Variants in N4BP2 observed in about 807,000 individuals in gnomAD.
N4BP2 encodes the protein NEDD4-binding protein 2.
Under a neutral mutation model 152.8 loss-of-function variants are expected in N4BP2, and 91 were observed. The ratio of observed to expected loss-of-function variants is 0.60; its 90% CI spans 0.50 to 0.71. The LOEUF (loss-of-function observed/expected upper bound fraction) is 0.71, where lower values mean the gene tolerates loss of function less well. N4BP2 is among the 30% of genes least tolerant of loss of function. The pLI is 0.00. For missense variants in N4BP2, 1,923 were observed against 2,059.1 expected, an observed-to-expected ratio of 0.93 and a Z score of 1.28; for synonymous variants, 646 against 705.3, an observed-to-expected ratio of 0.92 and a Z score of 1.33.
At chr4:40,127,747 G>A (rs528148047) in intron 12 of N4BP2, among the ~76,000 whole-genome samples, 3 of 152,080 alleles carry the variant, frequency 2.0e-5, no homozygotes, top group East Asian at 1.9e-4. Context: ...TGCATGCTCC[G>A]TCTCCCGGGT....
At chr4:40,125,308 A>G (rs1315749300) in intron 11 of N4BP2, among the ~76,000 whole-genome samples, 1 of 152,202 alleles carries the variant, frequency 6.6e-6, no homozygotes, top group Non-Finnish European at 1.5e-5. Flanking sequence ...GAAATGTTAC[A>G]CATTAAATTC....
chr4:40,120,825 T>C lies in N4BP2; in HGVS notation c.2714T>C (p.Leu905Ser), dbSNP rs759232628. Residue 905 changes from leucine (L) to serine (S), a missense_variant, in exon 9 of 18, where the codon TTA becomes TCA. Leu to Ser is a moderately radical substitution (Grantham distance 145). Transcript: ENST00000261435. ...AGATCAAGAATGCCAAAGACTGGTTTAAGTGAGCCCAACCTAGAAATTGGA... is the reference window on the plus strand; with the variant it reads ...AGATCAAGAATGCCAAAGACTGGTTCAAGTGAGCCCAACCTAGAAATTGGA... The part of the protein sequence containing the change: ...EHRSRMPKTG[L>S]SEPNLEIGTN... 6.2e-7 allele frequency: 1 copy of C among 1,613,986 alleles called. No homozygotes were observed. Among genetic ancestry groups the C allele is most frequent in the Non-Finnish European group, 8.5e-7 (1 of 1,180,010 alleles).
Position 40,120,771 on chromosome 4 carries a change from C to T in N4BP2, c.2660C>T (p.Ser887Leu), listed in dbSNP as rs756692751. The part of the protein sequence containing the change: ...NSFNIMGDWP[S>L]SDSLAQREHR... ...TTCAACATTATGGGTGACTGGCCTT[C>T]ATCTGATTCTTTAGCTCAGAGGGAA... is the stretch of plus-strand genomic sequence containing the variant. The change falls in exon 9 of 18, where the codon TCA becomes TTA. Residue 887 changes from serine (S) to leucine (L), a missense_variant. Ser to Leu is a moderately radical substitution (Grantham distance 145, BLOSUM62 -2). Transcript: ENST00000261435. 1 of 1,614,114 alleles carries T rather than the reference C, an allele frequency of 6.2e-7. No individual in the cohort carries two copies. The highest frequency in any genetic ancestry group is 1.1e-5 in the South Asian group (1 of 91,064).
intron 15 of N4BP2, 123 bp from the exon 16 acceptor site, chr4:40,144,509 T>C: frequency 1.3e-6 from 1 of 744,698 alleles, no homozygotes; most frequent in Non-Finnish European, 2.1e-6. Flanking sequence ...CATTGCATTA[T>C]TTAAGATTTT....
intron 7 of N4BP2, among the ~76,000 whole-genome samples, chr4:40,116,917 G>A (rs1175851676): frequency 6.6e-6 from 1 of 150,418 alleles, no homozygotes; most frequent in African/African-American, 2.4e-5. Context: ...CATTATTATT[G>A]TTGTTAAGTC....
the N4BP2 span, among the ~76,000 whole-genome samples, chr4:40,169,963 CAAAA>C: frequency 2.8e-4 from 13 of 45,858 alleles, no homozygotes; most frequent in African/African-American, 8.4e-4. Flanking sequence ...GACTCAATCT[CAAAA>C]AAAAAAAAAA....
At position 40,102,060 on chromosome 4, in the gene N4BP2, C is replaced by A. The variant is rs1444733668; in HGVS notation, c.230-15C>A. ...CTATATTTTTGTTGTTGTTATTATTCTTGTTGTTGTACAGTTGAAAATGCT... is the reference window on the plus strand; with the variant it reads ...CTATATTTTTGTTGTTGTTATTATTATTGTTGTTGTACAGTTGAAAATGCT... On this transcript the variant is annotated splice_polypyrimidine_tract_variant and intron_variant, in intron 3 of 17. Coordinates refer to ENST00000261435, the MANE Select transcript of N4BP2 (RefSeq NM_018177.6). 9.6e-6 allele frequency: 14 copies of A among 1,458,566 alleles called. No individual in the cohort carries two copies. Among genetic ancestry groups the A allele is most frequent in the Non-Finnish European group, 1.2e-5 (13 of 1,085,434 alleles). 90.4% of individuals were successfully genotyped at this position (1,458,566 alleles called of 1,614,324 possible).
chr4:40,100,301 C>A (rs1386330872), intron 3 of N4BP2, among the ~76,000 whole-genome samples: 1 of 151,706 alleles, frequency 6.6e-6, no homozygotes, highest in Admixed American at 6.6e-5. Context: ...CTTAAAACAG[C>A]AAGACAAAAC....
Position 40,112,188 on chromosome 4 carries a change from T to A in N4BP2, c.1587+16T>A, listed in dbSNP as rs1232039071. The stretch of plus-strand genomic sequence containing the variant: ...TGTTGCTTTGGTTAGTACCATAAGT[T>A]GTCATAAGTTTATAACAGTTTGTAT... On this transcript the variant is annotated intron_variant, in intron 6 of 17. Transcript: ENST00000261435. 2 of 1,397,188 alleles carry A rather than the reference T, an allele frequency of 1.4e-6. No homozygotes were observed. Among genetic ancestry groups the A allele is most frequent in the Admixed American group, 4.0e-5 (2 of 49,836 alleles). 86.5% of individuals were successfully genotyped at this position (1,397,188 alleles called of 1,614,324 possible).
chr4:40,093,909 AC>A (rs1422125087), intron 2 of N4BP2, among the ~76,000 whole-genome samples: 1 of 151,736 alleles, frequency 6.6e-6, no homozygotes, highest in African/African-American at 2.4e-5. Context: ...TAATTTTTGT[AC>A]TTTTAGTAGA....
At chr4:40,101,423 G>A (rs2109960183) in intron 3 of N4BP2, among the ~76,000 whole-genome samples, 2 of 152,220 alleles carry the variant, frequency 1.3e-5, no homozygotes, top group South Asian at 4.1e-4. Flanking sequence ...GCCTCCCAAA[G>A]TGCTGGGATT....
Position 40,104,194 on chromosome 4 carries a change from C to T in N4BP2, c.1373+976C>T, listed in dbSNP as rs1335621039. Among the ~76,000 whole-genome samples the T allele has an allele frequency of 2.0e-5, 3 of 151,948 alleles. No homozygotes were observed. In the East Asian group the frequency reaches 5.8e-4, roughly 29 times the overall value. On this transcript the variant is annotated intron_variant, in intron 4 of 17. Coordinates refer to ENST00000261435, the MANE Select transcript of N4BP2 (RefSeq NM_018177.6). ...GTCTCGATTTCCTGACCTCGTGATC[C>T]ACCCGCCCCGGCCTCCCAAAGTGCT...
chr4:40,190,351 A>G, the N4BP2 span, among the ~76,000 whole-genome samples: 1 of 152,224 alleles, frequency 6.6e-6, no homozygotes, highest in Non-Finnish European at 1.5e-5. Flanking sequence ...TTCAGGAGGC[A>G]CCTCTGAAGA....
intron 3 of N4BP2, among the ~76,000 whole-genome samples, chr4:40,101,350 G>T (rs1425719949): frequency 1.3e-5 from 2 of 152,060 alleles, no homozygotes; most frequent in African/African-American, 4.8e-5. Flanking sequence ...AGTAGAGATG[G>T]GGTTTCGCCA....
chr4:40,186,898 T>C, the N4BP2 span, among the ~76,000 whole-genome samples: 2 of 152,192 alleles, frequency 1.3e-5, no homozygotes, highest in South Asian at 2.1e-4. Flanking sequence ...GGATGACATA[T>C]TTTGTTGTTG....
intron 1 of N4BP2, among the ~76,000 whole-genome samples, chr4:40,057,995 C>T (rs1035716598): frequency 6.6e-6 from 1 of 152,112 alleles, no homozygotes; most frequent in African/African-American, 2.4e-5. Context: ...TTTTTCTACT[C>T]GACATCTTTG....
chr4:40,091,594 A>G (rs987879956), intron 2 of N4BP2, among the ~76,000 whole-genome samples: 5 of 140,448 alleles, frequency 3.6e-5, no homozygotes, highest in East Asian at 2.1e-4. Flanking sequence ...TCATTATAGT[A>G]TACAATCCTT....
chr4:40,094,449 C>G (rs147349956), intron 2 of N4BP2, among the ~76,000 whole-genome samples: 1 of 152,092 alleles, frequency 6.6e-6, no homozygotes, highest in Non-Finnish European at 1.5e-5. Flanking sequence ...AAGTCTCCAC[C>G]TATAATTGTG....
At chr4:40,163,472 T>C in the N4BP2 span, among the ~76,000 whole-genome samples, 2 of 152,182 alleles carry the variant, frequency 1.3e-5, no homozygotes, top group Non-Finnish European at 2.9e-5. Context: ...CAGTGATTAG[T>C]TGGAGGATGG....
Sources: gnomAD v4.1 joint callset for allele counts (sites outside exome capture counted in the v4.1 genomes callset) on GRCh38, gnomAD v4.1.1 for gene constraint, MANE v1.5 for transcripts, NCBI Gene and HGNC (gene_info 2026-07-23, HGNC 2026-07-21) for gene names.